The following KCNMB2 variants were observed in gnomAD, a reference collection of about 807,000 sequenced individuals.
KCNMB2 encodes the protein potassium calcium-activated channel subfamily M regulatory beta subunit 2, also known as calcium-activated potassium channel subunit beta-2.
In KCNMB2, 9 loss-of-function variants were observed where a neutral mutation model predicts 24.5. The ratio of observed to expected loss-of-function variants is 0.37; its 90% CI spans 0.22 to 0.64. KCNMB2 has a LOEUF of 0.64. Among genes scored for constraint, KCNMB2 ranks in the 30% least tolerant of loss-of-function variants. The pLI is 0.63. For synonymous variants in KCNMB2, 109 were observed against 104.4 expected, an observed-to-expected ratio of 1.04 and a Z score of -0.27; for missense variants, 226 against 284.3, an observed-to-expected ratio of 0.79 and a Z score of 1.47.
chr3:178,750,533 A>G (rs1238087266), intron 1 of KCNMB2, among the ~76,000 whole-genome samples: 2 of 152,008 alleles, frequency 1.3e-5, no homozygotes, highest in African/African-American at 2.4e-5. Context: ...AGCCTGGTAC[A>G]TGGAGTTTCC....
At chr3:178,604,235 G>A (rs1460320156) in intron 1 of KCNMB2, among the ~76,000 whole-genome samples, 2 of 152,264 alleles carry the variant, frequency 1.3e-5, no homozygotes, top group South Asian at 2.1e-4. Flanking sequence ...GAACTGACAT[G>A]CAACTGGAGT....
At chr3:178,731,892 A>C (rs989552628) in intron 1 of KCNMB2, among the ~76,000 whole-genome samples, 1 of 152,190 alleles carries the variant, frequency 6.6e-6, no homozygotes, top group Admixed American at 6.5e-5. Context: ...AACAAGAGCG[A>C]AACTCCGTCT....
intron 1 of KCNMB2, among the ~76,000 whole-genome samples, chr3:178,549,323 T>TTC (rs1193117545): frequency 6.7e-6 from 1 of 150,146 alleles, no homozygotes; most frequent in Non-Finnish European, 1.5e-5. Context: ...TTTTTTTTTT[T>TTC]TTCTTGAGAT....
Position 178,590,232 on chromosome 3 carries a change from A to AG in KCNMB2, c.-68+53522dup, listed in dbSNP as rs532140748. On this transcript the variant is annotated intron_variant, in intron 1 of 4. Transcript: ENST00000452583. ...AGGTCATAGTGACAAATATTCATTG[A>AG]GAAAAAAGGAGGGAGAACGGGTTTT... 2.3e-3 allele frequency among the ~76,000 whole-genome samples: 355 copies of AG among 152,278 alleles called. 5 individuals carry two copies. The South Asian group carries it at 0.032, about 14-fold the overall frequency.
intron 1 of KCNMB2, among the ~76,000 whole-genome samples, chr3:178,684,304 A>G: frequency 7.8e-6 from 1 of 128,262 alleles, no homozygotes; most frequent in African/African-American, 2.9e-5. Flanking sequence ...TCAAATATAG[A>G]GAGATAGAGA....
chr3:178,598,831 AC>A (rs1717973793), intron 1 of KCNMB2, among the ~76,000 whole-genome samples: 1 of 151,932 alleles, frequency 6.6e-6, no homozygotes, highest in Admixed American at 6.6e-5. Context: ...AGGTGTATGC[AC>A]TCTCCTCTAA....
chr3:178,662,724 A>AT (rs1720578840), intron 1 of KCNMB2, among the ~76,000 whole-genome samples: 1 of 152,152 alleles, frequency 6.6e-6, no homozygotes, highest in African/African-American at 2.4e-5. Flanking sequence ...TAATTTAATG[A>AT]TTTTTAATTA....
chr3:178,626,087 C>T (rs972780743), intron 1 of KCNMB2, among the ~76,000 whole-genome samples: 3 of 152,188 alleles, frequency 2.0e-5, no homozygotes, highest in Non-Finnish European at 4.4e-5. Flanking sequence ...TTCATTCTCT[C>T]ATACCACTGA....
intron 1 of KCNMB2, among the ~76,000 whole-genome samples, chr3:178,765,659 G>A (rs572669484): frequency 4.6e-5 from 7 of 152,276 alleles, no homozygotes; most frequent in Non-Finnish European, 8.8e-5. Context: ...GCATGTCCAC[G>A]TGTGTGTGCA....
chr3:178,568,854 T>TAGATGATAGATAGATA (rs1553813618), intron 1 of KCNMB2, among the ~76,000 whole-genome samples: 2 of 80,684 alleles, frequency 2.5e-5, no homozygotes, highest in Non-Finnish European at 4.9e-5. Context: ...GATAGATAGA[T>TAGATGATAGATAGATA]GATAGATAGA....
At chr3:178,683,895 T>C (rs1016789267) in intron 1 of KCNMB2, among the ~76,000 whole-genome samples, 4 of 152,182 alleles carry the variant, frequency 2.6e-5, no homozygotes, top group African/African-American at 4.8e-5. Context: ...AAGAACAGTA[T>C]GGAGGTTTCT....
chr3:178,555,162 T>A (rs1382078907), intron 1 of KCNMB2, among the ~76,000 whole-genome samples: 1 of 152,186 alleles, frequency 6.6e-6, no homozygotes, highest in African/African-American at 2.4e-5. Flanking sequence ...ACTCTGCAAC[T>A]GGGAAGTTCC....
Position 178,566,564 on chromosome 3 carries a change from C to T in KCNMB2, c.-68+29853C>T, listed in dbSNP as rs368016401. Among the ~76,000 whole-genome samples, 12 of 148,952 alleles carry T rather than the reference C, an allele frequency of 8.1e-5. 1 individual carries two copies. Among genetic ancestry groups the T allele is most frequent in the African/African-American group, 3.0e-4 (12 of 39,606 alleles). ...CAAAAGAAATGTTAGTCTACCTAGC[C>T]ATTACATCCTGTCTCCTTCAAGAAA... On this transcript the variant is annotated intron_variant, in intron 1 of 4. Coordinates refer to ENST00000452583, the MANE Select transcript of KCNMB2 (RefSeq NM_181361.3).
chr3:178,582,059 C>T (rs967268000), intron 1 of KCNMB2, among the ~76,000 whole-genome samples: 15 of 152,144 alleles, frequency 9.9e-5, no homozygotes, highest in African/African-American at 3.6e-4. Context: ...GACACATGCA[C>T]ATGTATGTTT....
chr3:178,702,110 T>G (rs1304517781), intron 1 of KCNMB2, among the ~76,000 whole-genome samples: 1 of 151,756 alleles, frequency 6.6e-6, no homozygotes, highest in Non-Finnish European at 1.5e-5. Context: ...CCATAAAAAA[T>G]GATGAGTTCA....
At chr3:178,575,499 A>ATC (rs1415229921) in intron 1 of KCNMB2, among the ~76,000 whole-genome samples, 1 of 152,242 alleles carries the variant, frequency 6.6e-6, no homozygotes, top group African/African-American at 2.4e-5. Context: ...TAAAGATACC[A>ATC]TCTAGTGATA....
chr3:178,590,865 C>T (rs560453190), intron 1 of KCNMB2, among the ~76,000 whole-genome samples: 13 of 152,268 alleles, frequency 8.5e-5, no homozygotes, highest in Admixed American at 4.6e-4. Context: ...GATCCCACTG[C>T]AATTACGATT....
intron 1 of KCNMB2, among the ~76,000 whole-genome samples, chr3:178,553,614 C>T (rs1474179309): frequency 6.6e-6 from 1 of 151,880 alleles, no homozygotes; most frequent in East Asian, 1.9e-4. Flanking sequence ...TCACGGCAAC[C>T]TTCATTTCGT....
rs113175694 is a variant in KCNMB2 at position 178,691,819 on chromosome 3, A to G, written c.-67-115524A>G. Among the ~76,000 whole-genome samples the G allele has an allele frequency of 1.7e-3, 252 of 152,280 alleles. 1 individual carries two copies. Among genetic ancestry groups the G allele is most frequent in the African/African-American group, 5.8e-3 (241 of 41,558 alleles). On this transcript the variant is annotated intron_variant, in intron 1 of 4. Transcript: ENST00000452583. Reference sequence around the variant, plus strand: ...TATTTCTGTCTTTAGGTATTTGAGGAATTGCCACACTATCTTCCATAATTG... The same window carrying G: ...TATTTCTGTCTTTAGGTATTTGAGGGATTGCCACACTATCTTCCATAATTG...
Sources: allele counts gnomAD v4.1 joint callset (sites outside exome capture counted in the v4.1 genomes callset), GRCh38; gene constraint gnomAD v4.1.1; transcripts MANE v1.5; gene names NCBI Gene and HGNC (gene_info 2026-07-23, HGNC 2026-07-21).